The following SLCO1B3 variants were observed in gnomAD, a reference collection of about 807,000 sequenced individuals.
SLCO1B3 encodes solute carrier organic anion transporter family member 1B3.
A neutral mutation model predicts 71.8 loss-of-function variants in SLCO1B3; 72 were observed. The ratio of observed to expected loss-of-function variants is 1.00; its 90% CI spans 0.83 to 1.22. SLCO1B3 has a LOEUF of 1.22. SLCO1B3 is among the 50% of genes most tolerant of loss of function. The pLI is 0.00. For synonymous variants in SLCO1B3, 298 were observed against 278.4 expected (o/e 1.07, Z -0.70); for missense variants, 911 against 819.7 (o/e 1.11, Z -1.36).
chr12:20,915,693 T>A (rs2120481557), intron 15 of SLCO1B3, among the ~76,000 whole-genome samples: 1 of 152,298 alleles, frequency 6.6e-6, no homozygotes, highest in East Asian at 1.9e-4. Flanking sequence ...TCAAACTTGC[T>A]TCTCAGTTTC....
At chr12:20,869,412 ATAT>A (rs35589453) in intron 8 of SLCO1B3, among the ~76,000 whole-genome samples, 109,868 of 151,822 alleles carry the variant, frequency 0.72, 42,357 homozygotes, top group South Asian at 0.9. Context: ...GATTATTATA[ATAT>A]TGGAATAAAG....
rs753028322 is a variant in SLCO1B3, at chr12:20,907,511, C to CTTTTTTTT, written c.1865+6052_1865+6059dup. On this transcript the variant is annotated intron_variant, in intron 15 of 15. Coordinates refer to ENST00000381545, the MANE Select transcript of SLCO1B3 (RefSeq NM_019844.4). ...TCTTCTCCTCCCTTCCCTTCCCTTC[C>CTTTTTTTT]TTTTTTTTTTTTTTTGAGACGCAGC... Among the ~76,000 whole-genome samples, 39 of 124,778 alleles carry CTTTTTTTT rather than the reference C, an allele frequency of 3.1e-4. No homozygotes were observed. In the South Asian group the frequency reaches 0.011, roughly 35 times the overall value. The allele number at this position is 124,778 out of a possible 152,430, so 81.9% of individuals were successfully genotyped here. A position where few individuals can be genotyped will look rare whatever the true frequency, so the allele number is the denominator to read the frequency against.
At chr12:20,814,569 AAG>A (rs1033426147) in intron 2 of SLCO1B3, among the ~76,000 whole-genome samples, 3 of 152,164 alleles carry the variant, frequency 2.0e-5, no homozygotes, top group Non-Finnish European at 2.9e-5. Context: ...TTTATATTAA[AAG>A]AGAAAATATT....
At position 20,861,017 on chromosome 12, in the gene SLCO1B3, T is replaced by C. The variant is rs536484136; in HGVS notation, c.360T>C (p.Tyr120=). 10 of 1,573,556 alleles carry C rather than the reference T, an allele frequency of 6.4e-6. No homozygotes were observed. The South Asian group carries it at 1.2e-4, about 18-fold the overall frequency. The change falls in exon 6 of 16, where the codon TAT becomes TAC. Residue 120 remains tyrosine, a splice_region_variant and synonymous_variant. Coordinates refer to ENST00000381545, the MANE Select transcript of SLCO1B3 (RefSeq NM_019844.4). Reference sequence around the variant, plus strand: ...GTTCAATTTCATGTTGCTCTTACAGTTATAGGTATTCTAAAGAAACCCATA... The same window carrying C: ...GTTCAATTTCATGTTGCTCTTACAGCTATAGGTATTCTAAAGAAACCCATA... The part of the protein sequence containing the change: ...LTSLPHFFMG[Y]YRYSKETHIN...
At position 20,875,346 on chromosome 12, in the gene SLCO1B3, C is replaced by G; in HGVS notation, c.839C>G (p.Pro280Arg). ...IISSIPFFFL[P>R]KNPNKPQKER... is the part of the protein sequence containing the mutation. Reference sequence around the variant, plus strand: ...TCTTCCATACCATTTTTTTTCTTGCCGAAAAATCCAAATAAACCACAAAAA... The same window carrying G: ...TCTTCCATACCATTTTTTTTCTTGCGGAAAAATCCAAATAAACCACAAAAA... Residue 280 changes from proline (P) to arginine (R), a missense_variant, in exon 9 of 16, where the codon CCG becomes CGG. Pro to Arg is a moderately radical substitution (Grantham distance 103, BLOSUM62 -2). Transcript: ENST00000381545. 6.2e-7 allele frequency: 1 copy of G among 1,611,646 alleles called. No individual in the cohort carries two copies. The highest frequency in any genetic ancestry group is 8.5e-7 in the Non-Finnish European group (1 of 1,179,198).
intron 3 of SLCO1B3, among the ~76,000 whole-genome samples, chr12:20,848,979 G>A (rs1377468912): frequency 6.6e-6 from 1 of 151,976 alleles, no homozygotes; most frequent in Admixed American, 6.6e-5. Context: ...ATGTAATAAT[G>A]CATCCAAATT....
rs1435186168 is a variant in SLCO1B3 at position 20,877,822 on chromosome 12, T to C, written c.1021T>C (p.Phe341Leu). The C allele has an allele frequency of 3.2e-6, 5 of 1,571,512 alleles. No individual in the cohort carries two copies. Among genetic ancestry groups the C allele is most frequent in the Non-Finnish European group, 4.3e-6 (5 of 1,159,694 alleles). ...CCTTACCAATCCCCTGTATGTTATA[T>C]TTCTGCTTTTGACATTGTTACAAGT... ...SILTNPLYVI[F>L]LLLTLLQVSS... is the part of the protein sequence containing the mutation. Residue 341 changes from phenylalanine (F) to leucine (L), a missense_variant, in exon 10 of 16, where the codon TTT (phenylalanine) becomes CTT (leucine). Physicochemically the swap from Phe to Leu is conservative, Grantham distance 22. Coordinates refer to ENST00000381545, the MANE Select transcript of SLCO1B3 (RefSeq NM_019844.4).
At chr12:20,830,948 G>A (rs1269013863) in intron 3 of SLCO1B3, among the ~76,000 whole-genome samples, 1 of 152,156 alleles carries the variant, frequency 6.6e-6, no homozygotes, top group Non-Finnish European at 1.5e-5. Flanking sequence ...ATAGCAAAGT[G>A]ACAACAAACT....
chr12:20,814,267 G>A (rs1346896600), intron 2 of SLCO1B3, among the ~76,000 whole-genome samples: 4 of 151,818 alleles, frequency 2.6e-5, no homozygotes, highest in African/African-American at 7.3e-5. Context: ...TTAAAATAGG[G>A]GCTTAATAAC....
intron 3 of SLCO1B3, among the ~76,000 whole-genome samples, chr12:20,823,711 T>A (rs1188989303): frequency 3.3e-5 from 5 of 152,208 alleles, no homozygotes; most frequent in Non-Finnish European, 7.3e-5. Flanking sequence ...GCCTGAAGCC[T>A]AGCCAAGGAT....
intron 15 of SLCO1B3, among the ~76,000 whole-genome samples, chr12:20,907,751 C>T (rs1866283120): frequency 6.6e-6 from 1 of 151,840 alleles, no homozygotes; most frequent in Non-Finnish European, 1.5e-5. Flanking sequence ...TCAGGTGGCC[C>T]GCCCACCTCA....
intron 4 of SLCO1B3, among the ~76,000 whole-genome samples, chr12:20,858,210 A>G (rs1386393116): frequency 6.6e-6 from 1 of 152,138 alleles, no homozygotes; most frequent in African/African-American, 2.4e-5. Flanking sequence ...TCATATAGCC[A>G]AATTACCCAA....
At chr12:20,912,696 G>T (rs1445444025) in intron 15 of SLCO1B3, among the ~76,000 whole-genome samples, 1 of 151,042 alleles carries the variant, frequency 6.6e-6, no homozygotes, top group Non-Finnish European at 1.5e-5. Context: ...GCTAATTTTT[G>T]TATTTTTAGT....
rs1359616771 is a variant in SLCO1B3, at chr12:20,906,284, C to T, written c.1865+4817C>T. Among the ~76,000 whole-genome samples the T allele has an allele frequency of 3.3e-5, 5 of 152,148 alleles. No individual in the cohort carries two copies. In the South Asian group the frequency reaches 1.0e-3, roughly 32 times the overall value. On this transcript the variant is annotated intron_variant, in intron 15 of 15. Transcript: ENST00000381545. ...GATTGTATAATTTTAACTGCGTGAT[C>T]TTGTAGAAAAAGCAAAACAATGGGC...
At chr12:20,865,983 G>A (rs192881025) in intron 8 of SLCO1B3, among the ~76,000 whole-genome samples, 61 of 152,134 alleles carry the variant, frequency 4.0e-4, no homozygotes, top group Non-Finnish European at 7.8e-4. Flanking sequence ...AATGCCATGT[G>A]TCATTCATCA....
intron 3 of SLCO1B3, among the ~76,000 whole-genome samples, chr12:20,828,662 C>T (rs1383414187): frequency 6.6e-6 from 1 of 152,012 alleles, no homozygotes; most frequent in Non-Finnish European, 1.5e-5. Flanking sequence ...CACACACACA[C>T]ACACTCACAC....
At chr12:20,906,885 A>G (rs189155064) in intron 15 of SLCO1B3, among the ~76,000 whole-genome samples, 189 of 152,304 alleles carry the variant, frequency 1.2e-3, no homozygotes, top group Non-Finnish European at 2.0e-3. Context: ...CTTTGAGCCA[A>G]CAGCAATACT....
chr12:20,813,995 A>G lies in SLCO1B3; in HGVS notation c.-66+357A>G, dbSNP rs562171317. Among the ~76,000 whole-genome samples, 65 of 152,300 alleles carry G rather than the reference A, an allele frequency of 4.3e-4. No homozygotes were observed. The Middle Eastern group carries it at 0.01, about 24-fold the overall frequency. On this transcript the variant is annotated intron_variant, in intron 2 of 15. Transcript: ENST00000381545. ...TTATATAGATAACATTGATATTTACATACTTAGATATTTACATATCTAAGG... is the reference window on the plus strand; with the variant it reads ...TTATATAGATAACATTGATATTTACGTACTTAGATATTTACATATCTAAGG...
In SLCO1B3 at chr12:20,881,031, G is replaced by T; in HGVS notation, c.1497+11G>T. 6.4e-7 allele frequency: 1 copy of T among 1,568,260 alleles called. No individual in the cohort carries two copies. The highest frequency in any genetic ancestry group is 1.2e-5 in the South Asian group (1 of 84,052). ...ATTAAAAAGCATACAGTGAGTATTA[G>T]TTTTCACTTTTTCTCCTCTCCTTAA... is the stretch of plus-strand genomic sequence containing the variant. On this transcript the variant is annotated intron_variant, in intron 12 of 15. Coordinates refer to ENST00000381545, the MANE Select transcript of SLCO1B3 (RefSeq NM_019844.4).
Sources: allele counts gnomAD v4.1 joint callset (sites outside exome capture counted in the v4.1 genomes callset), GRCh38; gene constraint gnomAD v4.1.1; transcripts MANE v1.5; gene names NCBI Gene and HGNC (gene_info 2026-07-23, HGNC 2026-07-21).